Variants in OPHN1 observed in about 807,000 individuals in gnomAD.
The protein encoded by OPHN1 is oligophrenin-1.
A neutral mutation model predicts 60.7 loss-of-function variants in OPHN1; 11 were observed. The observed-to-expected ratio is 0.18, with a 90% CI of 0.11 to 0.30. OPHN1 has a LOEUF of 0.30. Among genes scored for constraint, OPHN1 ranks in the 10% least tolerant of loss-of-function variants. The pLI is 1.00. For synonymous variants in OPHN1, 226 were observed against 222.6 expected, an observed-to-expected ratio of 1.02 and a Z score of -0.14; for missense variants, 449 against 611.0, an observed-to-expected ratio of 0.73 and a Z score of 2.80.
At chrX:68,192,372 G>A (rs1262240164) in intron 15 of OPHN1, among the ~76,000 whole-genome samples, 1 of 108,380 alleles carries the variant, frequency 9.2e-6, no homozygotes, top group Non-Finnish European at 1.9e-5. Flanking sequence ...AGTGGCACAC[G>A]CCTATAGTCC....
At chrX:68,318,064 T>C (rs1219533726) in intron 2 of OPHN1, among the ~76,000 whole-genome samples, 2 of 112,116 alleles carry the variant, frequency 1.8e-5, no homozygotes, top group African/African-American at 6.5e-5. Context: ...AATAAATCAG[T>C]TCAGCAAAGC....
intron 4 of OPHN1, among the ~76,000 whole-genome samples, chrX:68,277,654 G>T (rs1569266969): frequency 9.0e-6 from 1 of 110,959 alleles, no homozygotes; most frequent in Non-Finnish European, 1.9e-5. Context: ...AGCCGGGCGA[G>T]GTGGCACATG....
intron 2 of OPHN1, among the ~76,000 whole-genome samples, chrX:68,423,951 G>C (rs2078842388): frequency 9.0e-6 from 1 of 111,323 alleles, no homozygotes; most frequent in African/African-American, 3.3e-5. Flanking sequence ...CTGATCACCT[G>C]AGGTCAGGAG....
chrX:68,408,625 G>A (rs1189818008), intron 2 of OPHN1, among the ~76,000 whole-genome samples: 1 of 112,656 alleles, frequency 8.9e-6, no homozygotes. Flanking sequence ...GGTAACAGCA[G>A]TGACAATATT....
At chrX:68,114,591 A>G (rs952683452) in intron 16 of OPHN1, among the ~76,000 whole-genome samples, 23 of 110,586 alleles carry the variant, frequency 2.1e-4, no homozygotes, top group Non-Finnish European at 1.5e-4. Flanking sequence ...TGAGACCCCT[A>G]CCTCTTAAAA....
intron 2 of OPHN1, among the ~76,000 whole-genome samples, chrX:68,409,299 G>C (rs753187238): frequency 9.0e-6 from 1 of 111,474 alleles, no homozygotes; most frequent in South Asian, 3.8e-4. Context: ...AGTGCTTTCT[G>C]CTGGGCCACA....
intron 5 of OPHN1, among the ~76,000 whole-genome samples, chrX:68,270,912 C>T (rs1343733488): frequency 9.0e-6 from 1 of 111,115 alleles, no homozygotes; most frequent in Non-Finnish European, 1.9e-5. Context: ...ATCCAAGCTA[C>T]TGAGTGACCT....
chrX:68,120,176 C>T (rs960690380), intron 15 of OPHN1, among the ~76,000 whole-genome samples: 2 of 111,089 alleles, frequency 1.8e-5, no homozygotes, highest in African/African-American at 3.3e-5. Context: ...CCACCCATGA[C>T]ACCTTACCAC....
chrX:68,346,897 C>A (rs2078382009), intron 2 of OPHN1, among the ~76,000 whole-genome samples: 1 of 112,314 alleles, frequency 8.9e-6, no homozygotes, highest in Non-Finnish European at 1.9e-5. Context: ...TGCGAGAATT[C>A]TTTTGGGAAA....
At chrX:68,219,768 T>C (rs375727540) in intron 6 of OPHN1, among the ~76,000 whole-genome samples, 2 of 104,605 alleles carry the variant, frequency 1.9e-5, no homozygotes, top group Non-Finnish European at 3.9e-5. Context: ...ATCTCTGGGA[T>C]GCATTCAAAG....
chrX:68,307,179 C>T (rs771132550), intron 2 of OPHN1, among the ~76,000 whole-genome samples: 12 of 110,797 alleles, frequency 1.1e-4, no homozygotes, highest in Admixed American at 1.9e-4. Flanking sequence ...TGGTGGCTCA[C>T]GCCTGTAATC....
rs751031568 is a variant in OPHN1, at chrX:68,096,874, C to T, written c.1682G>A (p.Gly561Asp). ...GTGAGAATAGAAAATGCATACCTTG[C>T]CAAAGTGCTCGATTAGTATTTCCAC... is the stretch of plus-strand genomic sequence containing the variant. Reference protein sequence around the residue: ...IVVEILIEHFGKIYLGPPEES... With the variant: ...IVVEILIEHFDKIYLGPPEES... The change falls in exon 19 of 25, where the codon GGC becomes GAC. Residue 561 changes from glycine to aspartate, a missense_variant. Physicochemically the swap from Gly to Asp is moderately conservative, Grantham distance 94 (BLOSUM62 -1). Coordinates refer to ENST00000355520, the MANE Select transcript of OPHN1 (RefSeq NM_002547.3). The T allele has an allele frequency of 4.8e-5, 58 of 1,208,249 alleles. 1 individual carries two copies. In the South Asian group the frequency reaches 9.9e-4, roughly 21 times the overall value.
chrX:68,183,333 C>T (rs968674609), intron 15 of OPHN1, among the ~76,000 whole-genome samples: 2 of 111,796 alleles, frequency 1.8e-5, no homozygotes, highest in Non-Finnish European at 3.8e-5. Flanking sequence ...TATGCCACCC[C>T]AAAATACAAA....
chrX:68,392,916 C>T lies in OPHN1; in HGVS notation c.154+39951G>A, dbSNP rs186178318. On this transcript the variant is annotated intron_variant, in intron 2 of 24. Coordinates refer to ENST00000355520, the MANE Select transcript of OPHN1 (RefSeq NM_002547.3). ...CACGCAATAAAACCCTGCATTCATC[C>T]TTCAAGTTCGTGTGTGACTCGATTC... 4.8e-3 allele frequency among the ~76,000 whole-genome samples: 532 copies of T among 110,512 alleles called. 1 individual carries two copies. Among genetic ancestry groups the T allele is most frequent in the Admixed American group, 8.8e-3 (91 of 10,364 alleles).
At chrX:68,287,222 A>G (rs773378447) in intron 3 of OPHN1, among the ~76,000 whole-genome samples, 6 of 91,614 alleles carry the variant, frequency 6.5e-5, no homozygotes, top group Admixed American at 4.5e-4. Context: ...AAGGGAAGAA[A>G]GGAAAGAAGG....
intron 2 of OPHN1, among the ~76,000 whole-genome samples, chrX:68,320,159 G>T (rs761738077): frequency 9.0e-6 from 1 of 110,817 alleles, no homozygotes; most frequent in South Asian, 3.9e-4. Context: ...AGACCAGCCT[G>T]GCCAACATGG....
At position 68,270,733 on chromosome X, in the gene OPHN1, T is replaced by A. The variant is rs1020718341; in HGVS notation, c.384+4005A>T. 5.6e-4 allele frequency among the ~76,000 whole-genome samples: 61 copies of A among 108,695 alleles called. 1 individual carries two copies. Among genetic ancestry groups the A allele is most frequent in the African/African-American group, 2.1e-3 (61 of 29,284 alleles). 94.4% of individuals were successfully genotyped at this position (108,695 alleles called of 115,157 possible). On this transcript the variant is annotated intron_variant, in intron 5 of 24. Coordinates refer to ENST00000355520, the MANE Select transcript of OPHN1 (RefSeq NM_002547.3). ...TGCACATGTACCCTAGAACTTAAAT[T>A]ATAATAATAATTAAAAAAAAAGAAT...
chrX:68,250,001 G>T (rs763711103), intron 5 of OPHN1, among the ~76,000 whole-genome samples: 6 of 112,145 alleles, frequency 5.4e-5, no homozygotes, highest in Non-Finnish European at 1.1e-4. Flanking sequence ...TCAGATTCAT[G>T]ACTATTTTTA....
intron 15 of OPHN1, among the ~76,000 whole-genome samples, chrX:68,169,426 A>T (rs1165274516): frequency 1.8e-5 from 2 of 110,493 alleles, no homozygotes; most frequent in Non-Finnish European, 3.8e-5. Flanking sequence ...ATTGGAAAAA[A>T]CTACTTTAAA....
Sources: allele counts gnomAD v4.1 joint callset (sites outside exome capture counted in the v4.1 genomes callset), GRCh38; gene constraint gnomAD v4.1.1; transcripts MANE v1.5; gene names NCBI Gene and HGNC (gene_info 2026-07-23, HGNC 2026-07-21).